The following PDS5B variants were observed in gnomAD, a reference collection of about 807,000 sequenced individuals.
PDS5B encodes PDS5 cohesin associated factor B, also known as sister chromatid cohesion protein PDS5 homolog B.
A neutral mutation model predicts 184.1 loss-of-function variants in PDS5B; 51 were observed. That is an observed-to-expected ratio of 0.28 (90% confidence interval 0.22 to 0.35). The LOEUF (loss-of-function observed/expected upper bound fraction) is 0.35, where lower values mean the gene tolerates loss of function less well. Ranked by LOEUF, PDS5B falls within the 10% of genes least tolerant of loss-of-function variation. The pLI is 1.00. For synonymous variants in PDS5B, 566 were observed against 569.2 expected, an observed-to-expected ratio of 0.99 and a Z score of 0.08; for missense variants, 1,180 against 1,723.3, an observed-to-expected ratio of 0.68 and a Z score of 5.58.
intron 19 of PDS5B, among the ~76,000 whole-genome samples, chr13:32,713,142 A>T (rs1408029958): frequency 6.6e-6 from 1 of 152,200 alleles, no homozygotes; most frequent in African/African-American, 2.4e-5. Flanking sequence ...TTACACAGAG[A>T]AAAAGGACTT....
intron 14 of PDS5B, among the ~76,000 whole-genome samples, chr13:32,695,564 A>G (rs562341848): frequency 6.6e-6 from 1 of 151,962 alleles, no homozygotes; most frequent in African/African-American, 2.4e-5. Flanking sequence ...AAATTTTAAG[A>G]TGTTCTTACT....
In PDS5B at chr13:32,758,656, A is replaced by G. The variant is rs763631964; in HGVS notation, c.3309+3A>G. ...GTTTCTTCACTCAACCTGACAAGGT[A>G]GTTACTTTACAATTTGTTTGTGTAA... On this transcript the variant is annotated splice_donor_region_variant and intron_variant, in intron 28 of 34. Transcript: ENST00000315596. 1 of 1,613,110 alleles carries G rather than the reference A, an allele frequency of 6.2e-7. No homozygotes were observed. Among genetic ancestry groups the G allele is most frequent in the Non-Finnish European group, 8.5e-7 (1 of 1,179,430 alleles).
At chr13:32,767,506 A>G (rs1954622114) in intron 31 of PDS5B, among the ~76,000 whole-genome samples, 1 of 152,168 alleles carries the variant, frequency 6.6e-6, no homozygotes, top group African/African-American at 2.4e-5. Context: ...CATTACTCTG[A>G]TAATTTTGGT....
chr13:32,729,873 T>C (rs1403183856), intron 19 of PDS5B, among the ~76,000 whole-genome samples: 1 of 152,178 alleles, frequency 6.6e-6, no homozygotes. Flanking sequence ...GCAGAAACTT[T>C]CTCCTGTTCT....
intron 19 of PDS5B, among the ~76,000 whole-genome samples, chr13:32,728,755 C>G (rs1286823000): frequency 6.6e-6 from 1 of 152,104 alleles, no homozygotes; most frequent in Non-Finnish European, 1.5e-5. Flanking sequence ...TACCTGTTCC[C>G]TAGTGTCTGA....
At chr13:32,756,045 T>G in intron 26 of PDS5B, 89 bp downstream of exon 26, 2 of 680,530 alleles carry the variant, frequency 2.9e-6, no homozygotes, top group South Asian at 1.9e-5. Context: ...ATAATTAGTT[T>G]ATTGATGTAT....
Position 32,709,948 on chromosome 13 carries a change from A to G in PDS5B, c.1965A>G (p.Val655=), listed in dbSNP as rs1019249013. The part of the protein sequence containing the change: ...AIRAGLELLK[V]LSFTHPISFH... ...CATTTTTATGATTCATTTTATAGGT[A>G]CTCTCATTTACACATCCCATCTCAT... The change falls in exon 19 of 35, where the codon GTA becomes GTG. Residue 655 remains valine (V), a splice_region_variant and synonymous_variant. Coordinates refer to ENST00000315596, the MANE Select transcript of PDS5B (RefSeq NM_015032.4). 1 of 1,377,284 alleles carries G rather than the reference A, an allele frequency of 7.3e-7. No homozygotes were observed. The highest frequency in any genetic ancestry group is 2.6e-5 in the East Asian group (1 of 38,508). 85.3% of individuals were successfully genotyped at this position (1,377,284 alleles called of 1,614,324 possible).
intron 13 of PDS5B, 79 bp downstream of exon 13, chr13:32,688,648 C>G (rs763668916): frequency 3.5e-6 from 3 of 849,852 alleles, no homozygotes; most frequent in Admixed American, 1.8e-5. Flanking sequence ...CTACAAACAC[C>G]TGTATTTTAA....
intron 24 of PDS5B, among the ~76,000 whole-genome samples, chr13:32,746,984 G>A (rs965266640): frequency 4.6e-5 from 7 of 152,138 alleles, no homozygotes; most frequent in African/African-American, 1.4e-4. Flanking sequence ...CAACAGTATC[G>A]AAATTTATAC....
chr13:32,590,963 TA>T (rs561927231), intron 1 of PDS5B, among the ~76,000 whole-genome samples: 363 of 141,552 alleles, frequency 2.6e-3, no homozygotes, highest in South Asian at 3.6e-3. Context: ...AGGTATATGG[TA>T]AAAAAAAAAA....
intron 15 of PDS5B, among the ~76,000 whole-genome samples, chr13:32,698,814 C>T (rs561228805): frequency 6.6e-6 from 1 of 151,114 alleles, no homozygotes; most frequent in African/African-American, 2.4e-5. Context: ...AGTGCAGTGG[C>T]GAGATCTCAG....
chr13:32,615,624 C>G (rs1593266356), intron 1 of PDS5B, among the ~76,000 whole-genome samples: 1 of 152,090 alleles, frequency 6.6e-6, no homozygotes, highest in African/African-American at 2.4e-5. Context: ...TATTGAACTT[C>G]TAGTCATCAT....
chr13:32,595,956 T>C (rs2057859129), intron 1 of PDS5B, among the ~76,000 whole-genome samples: 2 of 152,222 alleles, frequency 1.3e-5, no homozygotes, highest in Non-Finnish European at 2.9e-5. Context: ...TGAATATTTA[T>C]TGAATATGTG....
intron 7 of PDS5B, among the ~76,000 whole-genome samples, chr13:32,670,558 G>T (rs1593386958): frequency 6.6e-6 from 1 of 151,928 alleles, no homozygotes; most frequent in African/African-American, 2.4e-5. Context: ...AGAATTTGTT[G>T]TAACACAACA....
intron 14 of PDS5B, among the ~76,000 whole-genome samples, chr13:32,695,097 A>G (rs1260253002): frequency 2.0e-5 from 3 of 151,964 alleles, no homozygotes; most frequent in Middle Eastern, 3.4e-3. Flanking sequence ...AAATTCACCA[A>G]TTGCTCTACA....
chr13:32,605,824 T>C (rs2058051728), intron 1 of PDS5B, among the ~76,000 whole-genome samples: 1 of 152,216 alleles, frequency 6.6e-6, no homozygotes, highest in Non-Finnish European at 1.5e-5. Context: ...CATTATTTAA[T>C]GGTCTTCTTT....
intron 1 of PDS5B, among the ~76,000 whole-genome samples, chr13:32,609,911 A>C (rs985232147): frequency 7.2e-5 from 11 of 152,122 alleles, no homozygotes; most frequent in African/African-American, 1.7e-4. Flanking sequence ...AAAAAAAAAA[A>C]ACAAAAAAAT....
intron 17 of PDS5B, among the ~76,000 whole-genome samples, chr13:32,705,910 T>A (rs1951996401): frequency 6.6e-6 from 1 of 151,634 alleles, no homozygotes; most frequent in Admixed American, 6.6e-5. Flanking sequence ...CAAGTGACCC[T>A]CCTTTTTCAG....
At chr13:32,599,032 A>G in intron 1 of PDS5B, among the ~76,000 whole-genome samples, 1 of 152,032 alleles carries the variant, frequency 6.6e-6, no homozygotes, top group Non-Finnish European at 1.5e-5. Flanking sequence ...GGCTTCCCAA[A>G]GTGCTGGGAT....
Sources: gnomAD v4.1 joint callset for allele counts (sites outside exome capture counted in the v4.1 genomes callset) on GRCh38, gnomAD v4.1.1 for gene constraint, MANE v1.5 for transcripts, NCBI Gene and HGNC (gene_info 2026-07-23, HGNC 2026-07-21) for gene names.